PDE9A: variants seen among roughly 807,000 people sequenced by gnomAD.
PDE9A encodes the protein high affinity cGMP-specific 3',5'-cyclic phosphodiesterase 9A.
A neutral mutation model predicts 87.4 loss-of-function variants in PDE9A; 60 were observed. That is an observed-to-expected ratio of 0.69 (90% CI 0.56 to 0.85). The LOEUF is 0.85. Ranked by LOEUF, PDE9A falls within the 40% of genes least tolerant of loss-of-function variation. The pLI, the probability that PDE9A is intolerant of heterozygous loss-of-function variation, is 0.00. For missense variants in PDE9A, 665 were observed against 779.0 expected (o/e 0.85, Z 1.74); for synonymous variants, 272 against 279.4 (o/e 0.97, Z 0.27).
At chr21:42,669,840 C>T (rs765956045) in intron 1 of PDE9A, among the ~76,000 whole-genome samples, 30 of 152,258 alleles carry the variant, frequency 2.0e-4, no homozygotes, top group Non-Finnish European at 2.9e-4. Flanking sequence ...CCCACAGCCA[C>T]GGATAATGAG....
rs377375953 is a variant in PDE9A, at chr21:42,696,928, C to T, written c.219-2040C>T. ...GGACTTTGCTCTGCACTTAGGGCCA[C>T]GCTTCAAGCCCAGTGCCTCTTATGA... On this transcript the variant is annotated intron_variant, in intron 3 of 19. Coordinates refer to ENST00000291539, the MANE Select transcript of PDE9A (RefSeq NM_002606.3). The surrounding 1 kb of genome is among the most constrained non-coding windows in gnomAD (Gnocchi z 5.1). Among the ~76,000 whole-genome samples the T allele has an allele frequency of 6.6e-6, 1 of 152,172 alleles. No individual in the cohort carries two copies. Among genetic ancestry groups the T allele is most frequent in the Admixed American group, 6.5e-5 (1 of 15,282 alleles).
At position 42,762,122 on chromosome 21, in the gene PDE9A, C is replaced by T. The variant is rs759738429; in HGVS notation, c.1125C>T (p.Tyr375=). 1.5e-5 allele frequency: 25 copies of T among 1,614,042 alleles called. No homozygotes were observed. The highest frequency in any genetic ancestry group is 1.7e-5 in the Non-Finnish European group (20 of 1,180,024). The change falls in exon 14 of 20, where the codon TAC becomes TAT. Residue 375 remains tyrosine (Y), a synonymous_variant. Coordinates refer to ENST00000291539, the MANE Select transcript of PDE9A (RefSeq NM_002606.3). ...INARTELAVR[Y]NDISPLENHH... is the part of the protein sequence containing the mutation. ...CCCGCACAGAGCTGGCGGTCCGCTACAATGACATCTCACCGCTGGAGAACC... is the reference window on the plus strand; with the variant it reads ...CCCGCACAGAGCTGGCGGTCCGCTATAATGACATCTCACCGCTGGAGAACC...
chr21:42,751,248 A>T (rs760661618), intron 9 of PDE9A, 51 bp downstream of exon 9: 23 of 1,324,468 alleles, frequency 1.7e-5, no homozygotes. Context: ...CCCCAGCCCC[A>T]CGCCCAGCCC....
chr21:42,755,654 C>G (rs574621571), intron 10 of PDE9A, among the ~76,000 whole-genome samples: 1 of 152,182 alleles, frequency 6.6e-6, no homozygotes, highest in Non-Finnish European at 1.5e-5. Context: ...GTTGGAGCTG[C>G]TGGCCTGCAG....
At chr21:42,716,840 T>C (rs1172140912) in intron 4 of PDE9A, among the ~76,000 whole-genome samples, 2 of 127,044 alleles carry the variant, frequency 1.6e-5, no homozygotes, top group East Asian at 5.5e-4. Flanking sequence ...AACCTCCACC[T>C]CCTAGGTTCA....
intron 7 of PDE9A, among the ~76,000 whole-genome samples, chr21:42,740,174 C>T (rs2052966450): frequency 6.6e-6 from 1 of 152,070 alleles, no homozygotes; most frequent in Non-Finnish European, 1.5e-5. Context: ...TGCAGTGGCT[C>T]ATGCCTAAAG....
At chr21:42,733,496 C>G in intron 7 of PDE9A, 70 bp downstream of exon 7, 1 of 877,786 alleles carries the variant, frequency 1.1e-6, no homozygotes, top group Non-Finnish European at 2.0e-6. Context: ...CCACTTGGAA[C>G]GGGGAGGAGT....
chr21:42,773,919 AC>A (rs1330604623), intron 19 of PDE9A, among the ~76,000 whole-genome samples: 1 of 150,858 alleles, frequency 6.6e-6, no homozygotes, highest in South Asian at 2.1e-4. Flanking sequence ...CCTGGCTAAC[AC>A]GGTGAAACCC....
At chr21:42,745,752 G>A (rs1214426713) in intron 8 of PDE9A, among the ~76,000 whole-genome samples, 1 of 152,244 alleles carries the variant, frequency 6.6e-6, no homozygotes, top group Non-Finnish European at 1.5e-5. Flanking sequence ...TCTGCCCAGA[G>A]CCAGGCGGAG....
rs1187674381 is a variant in PDE9A, at chr21:42,726,592, C to A, written c.263-5178C>A. Among the ~76,000 whole-genome samples the A allele has an allele frequency of 4.0e-5, 3 of 74,222 alleles. 1 individual carries two copies. The highest frequency in any genetic ancestry group is 6.7e-3 in the Middle Eastern group (1 of 150). The allele number at this position is 74,222 out of a possible 152,430, so 48.7% of individuals were successfully genotyped here. On this transcript the variant is annotated intron_variant, in intron 4 of 19. Transcript: ENST00000291539. Reference sequence around the variant, plus strand: ...TATTACTGAATGCCACCACGCCTGGCCATATATATATATATATATATATAT... The same window carrying A: ...TATTACTGAATGCCACCACGCCTGGACATATATATATATATATATATATAT...
intron 4 of PDE9A, among the ~76,000 whole-genome samples, chr21:42,716,814 G>A (rs996234071): frequency 1.1e-4 from 15 of 134,376 alleles, no homozygotes; most frequent in African/African-American, 4.0e-4. Context: ...GCAGTAGTGA[G>A]ATCTCAGCTC....
At chr21:42,761,954 G>T in intron 13 of PDE9A, 129 bp from the exon 14 acceptor site, 2 of 893,994 alleles carry the variant, frequency 2.2e-6, no homozygotes, top group South Asian at 1.7e-5. Context: ...GGCACAGGCA[G>T]CTCCCCCAGC....
chr21:42,686,907 TC>T (rs773376933), intron 2 of PDE9A, among the ~76,000 whole-genome samples: 32 of 152,136 alleles, frequency 2.1e-4, no homozygotes, highest in Non-Finnish European at 2.8e-4. Flanking sequence ...GTGTGTTTGG[TC>T]CCCAGCCCCA....
chr21:42,713,892 T>C (rs2049574447), intron 4 of PDE9A, among the ~76,000 whole-genome samples: 1 of 152,004 alleles, frequency 6.6e-6, no homozygotes, highest in South Asian at 2.1e-4. Context: ...TTAAAACTTT[T>C]TTTTTAATTC....
At chr21:42,708,194 T>C (rs963119800) in intron 4 of PDE9A, among the ~76,000 whole-genome samples, 1 of 152,162 alleles carries the variant, frequency 6.6e-6, no homozygotes, top group Non-Finnish European at 1.5e-5. Context: ...AAGACTGCAG[T>C]GTATAAATGA....
At chr21:42,734,154 TA>T (rs921223055) in intron 7 of PDE9A, 15 of 152,182 alleles carry the variant, frequency 9.9e-5, no homozygotes, top group African/African-American at 3.6e-4. Context: ...CTTTTGCTTA[TA>T]AATTGCCCAG....
chr21:42,737,339 C>T (rs1217659434), intron 7 of PDE9A, among the ~76,000 whole-genome samples: 2 of 152,262 alleles, frequency 1.3e-5, no homozygotes, highest in East Asian at 3.8e-4. Context: ...TACATGCACA[C>T]GTGTAAGCAC....
At chr21:42,757,205 A>T (rs561687912) in intron 10 of PDE9A, 7 of 152,374 alleles carry the variant, frequency 4.6e-5, no homozygotes, top group African/African-American at 1.7e-4. Context: ...TATCCAACCT[A>T]CATCTGTACT....
chr21:42,663,547 G>A (rs535301072), intron 1 of PDE9A, among the ~76,000 whole-genome samples: 40 of 152,364 alleles, frequency 2.6e-4, no homozygotes, highest in African/African-American at 9.4e-4. Flanking sequence ...GAGGTTTGAA[G>A]TGGTTGAGCT....
Sources: gnomAD v4.1 joint callset for allele counts (sites outside exome capture counted in the v4.1 genomes callset) on GRCh38, gnomAD v4.1.1 for gene constraint, Gnocchi (gnomAD v3.1) non-coding constraint, MANE v1.5 for transcripts, NCBI Gene and HGNC (gene_info 2026-07-23, HGNC 2026-07-21) for gene names.